The following DDI2 variants were observed in gnomAD, a reference collection of about 807,000 sequenced individuals.
DDI2 encodes DDI proteasomal shuttling factor 2, also known as protein DDI1 homolog 2.
DDI2 carries 5 observed loss-of-function variants against 48.1 expected under a neutral mutation model. The ratio of observed to expected loss-of-function variants is 0.10; its 90% CI spans 0.05 to 0.22. DDI2 has a LOEUF of 0.22. Ranked by LOEUF, DDI2 falls within the 10% of genes least tolerant of loss-of-function variation. The pLI is 1.00. For missense variants in DDI2, 285 were observed against 506.2 expected (o/e 0.56, Z 4.19); for synonymous variants, 205 against 183.6 (o/e 1.12, Z -0.94).
At chr1:15,653,064 AT>A (rs1640217278) in intron 8 of DDI2, among the ~76,000 whole-genome samples, 1 of 152,028 alleles carries the variant, frequency 6.6e-6, no homozygotes, top group Non-Finnish European at 1.5e-5. Context: ...AGCTCAGTCC[AT>A]TGCTGTGTTT....
intron 2 of DDI2, among the ~76,000 whole-genome samples, chr1:15,627,701 G>GT (rs946889038): frequency 2.6e-5 from 4 of 152,136 alleles, no homozygotes; most frequent in African/African-American, 4.8e-5. Context: ...GAAATGTGTG[G>GT]TTTTTTTCCA....
At chr1:15,652,057 C>CTT (rs1640192855) in intron 8 of DDI2, among the ~76,000 whole-genome samples, 162 bp downstream of exon 8, 2 of 119,130 alleles carry the variant, frequency 1.7e-5, no homozygotes, top group African/African-American at 9.4e-5. Context: ...CTTTGATCTT[C>CTT]CTTTTTTTTT....
At chr1:15,636,004 C>T (rs1051811649) in intron 4 of DDI2, among the ~76,000 whole-genome samples, 1 of 152,156 alleles carries the variant, frequency 6.6e-6, no homozygotes, top group Non-Finnish European at 1.5e-5. Flanking sequence ...TCATATTTGC[C>T]TAAAGGAAGG....
chr1:15,618,500 C>T (rs1639602690), intron 1 of DDI2, among the ~76,000 whole-genome samples: 1 of 152,074 alleles, frequency 6.6e-6, no homozygotes, highest in South Asian at 2.1e-4. Flanking sequence ...GCCAGAAGGC[C>T]CTTTTTCTTT....
chr1:15,660,455 T>C lies in DDI2; in HGVS notation c.*665T>C. On this transcript the variant is annotated 3_prime_UTR_variant, in exon 10 of 10. Coordinates refer to ENST00000480945, the MANE Select transcript of DDI2 (RefSeq NM_032341.5). ...GAATATCTTTGTAACATAGGGGACC[T>C]TGAGCTTCCTGAAGAAAGGCAACAG... The C allele has an allele frequency of 6.2e-7, 1 of 1,614,148 alleles. No individual in the cohort carries two copies. The highest frequency in any genetic ancestry group is 8.5e-7 in the Non-Finnish European group (1 of 1,180,030).
chr1:15,637,944 A>G (rs1266247238), intron 4 of DDI2, among the ~76,000 whole-genome samples: 1 of 152,172 alleles, frequency 6.6e-6, no homozygotes, highest in Non-Finnish European at 1.5e-5. Flanking sequence ...GGGCTTAGGA[A>G]ATGTATTCAG....
At chr1:15,634,806 A>G (rs1639902681) in intron 4 of DDI2, among the ~76,000 whole-genome samples, 1 of 152,092 alleles carries the variant, frequency 6.6e-6, no homozygotes, top group Non-Finnish European at 1.5e-5. Flanking sequence ...TGCTAGGATT[A>G]TAGGGATGAG....
chr1:15,652,787 C>T (rs1019520400), intron 8 of DDI2, among the ~76,000 whole-genome samples: 7 of 151,852 alleles, frequency 4.6e-5, no homozygotes, highest in Non-Finnish European at 7.4e-5. Flanking sequence ...CGCACCACTG[C>T]ACTCCAGCCT....
At chr1:15,629,930 CTA>C (rs2103464720) in intron 2 of DDI2, among the ~76,000 whole-genome samples, 1 of 152,198 alleles carries the variant, frequency 6.6e-6, no homozygotes, top group South Asian at 2.1e-4. Context: ...CAGAGTTTCA[CTA>C]TGTTGACCAG....
chr1:15,624,885 A>G (rs964322000), intron 1 of DDI2, among the ~76,000 whole-genome samples: 2 of 152,152 alleles, frequency 1.3e-5, no homozygotes, highest in Non-Finnish European at 2.9e-5. Flanking sequence ...GGCATGAGCC[A>G]TCATACCAGA....
rs201470667 is a variant in DDI2 at position 15,659,984 on chromosome 1, C to T, written c.*194C>T. The T allele has an allele frequency of 5.1e-5, 83 of 1,614,056 alleles. No individual in the cohort carries two copies. Among genetic ancestry groups the T allele is most frequent in the Non-Finnish European group, 6.7e-5 (79 of 1,180,038 alleles). ...CGCTCTGTCTCTGCTTCAGTCTGCC[C>T]TATCAAGCCCAGTGACTCAGATCGC... On this transcript the variant is annotated 3_prime_UTR_variant, in exon 10 of 10. Coordinates refer to ENST00000480945, the MANE Select transcript of DDI2 (RefSeq NM_032341.5).
Position 15,661,832 on chromosome 1 carries a change from C to T in DDI2, c.*2042C>T. The T allele has an allele frequency of 7.6e-7, 1 of 1,315,078 alleles. No individual in the cohort carries two copies. Among genetic ancestry groups the T allele is most frequent in the Non-Finnish European group, 9.8e-7 (1 of 1,018,090 alleles). The allele number at this position is 1,315,078 out of a possible 1,614,324, so 81.5% of individuals were successfully genotyped here. A position where few individuals can be genotyped will look rare whatever the true frequency, so the allele number is the denominator to read the frequency against. ...CCACATATACAGTATATATAGAAAC[C>T]TGCAAGCAGAATGTTGAGCCAGATT... is the stretch of plus-strand genomic sequence containing the variant. On this transcript the variant is annotated 3_prime_UTR_variant, in exon 10 of 10. Coordinates refer to ENST00000480945, the MANE Select transcript of DDI2 (RefSeq NM_032341.5).
At position 15,667,019 on chromosome 1, in the gene DDI2, C is replaced by T. The variant is rs35509554; in HGVS notation, c.*7229C>T. On this transcript the variant is annotated 3_prime_UTR_variant, in exon 10 of 10. Transcript: ENST00000480945. Reference sequence around the variant, plus strand: ...GGTCAGGAGGTCGAGACCAGCCTGGCCAATATGATGAAACCTTACCTCTAC... The same window carrying T: ...GGTCAGGAGGTCGAGACCAGCCTGGTCAATATGATGAAACCTTACCTCTAC... 0.31 allele frequency: 46,877 copies of T among 151,708 alleles called. 7,884 individuals are homozygous for T. The highest frequency in any genetic ancestry group is 0.42 in the African/African-American group (17,333 of 41,306). 9.4% of individuals were successfully genotyped at this position (151,708 alleles called of 1,614,324 possible). A position where few individuals can be genotyped will look rare whatever the true frequency, so the allele number is the denominator to read the frequency against.
chr1:15,628,922 T>G (rs1445110276), intron 2 of DDI2, among the ~76,000 whole-genome samples: 2 of 152,238 alleles, frequency 1.3e-5, no homozygotes, highest in Non-Finnish European at 2.9e-5. Context: ...TGTATTTACC[T>G]ATTTGGAACA....
intron 9 of DDI2, 66 bp from the exon 10 acceptor site, chr1:15,659,771 C>T (rs1348108807): frequency 1.3e-5 from 19 of 1,451,064 alleles, no homozygotes; most frequent in Non-Finnish European, 1.6e-5. Context: ...TTTGTATCCT[C>T]TGGTAATTTA....
chr1:15,643,482 G>A (rs761457564), intron 5 of DDI2, 40 bp from the exon 6 acceptor site: 1 of 1,600,454 alleles, frequency 6.2e-7, no homozygotes, highest in South Asian at 1.1e-5. Flanking sequence ...TCACAAAGTG[G>A]ATTTTGTTTT....
chr1:15,625,253 G>C (rs1360137380), intron 1 of DDI2, among the ~76,000 whole-genome samples: 1 of 152,164 alleles, frequency 6.6e-6, no homozygotes, highest in Non-Finnish European at 1.5e-5. Flanking sequence ...GGAAGGGTGA[G>C]GTCTGGACCT....
At position 15,643,751 on chromosome 1, in the gene DDI2, T is replaced by G. The variant is rs1640044689; in HGVS notation, c.889+101T>G. The G allele has an allele frequency of 2.7e-6, 4 of 1,485,024 alleles. No individual in the cohort carries two copies. In the South Asian group the frequency reaches 4.1e-5, roughly 15 times the overall value. The allele number at this position is 1,485,024 out of a possible 1,614,324, so 92.0% of individuals were successfully genotyped here. ...AGAGGGTCTTTTGTTGTTATTTTGT[T>G]GTTGTTGTTTTAAATTTCTTTTGTG... On this transcript the variant is annotated intron_variant, in intron 6 of 9. Coordinates refer to ENST00000480945, the MANE Select transcript of DDI2 (RefSeq NM_032341.5).
At chr1:15,639,445 C>T (rs1341333268) in intron 5 of DDI2, among the ~76,000 whole-genome samples, 4 of 152,062 alleles carry the variant, frequency 2.6e-5, no homozygotes, top group Non-Finnish European at 5.9e-5. Flanking sequence ...CTACACATTC[C>T]TGAGCACATG....
Sources: gnomAD v4.1 joint callset for allele counts (sites outside exome capture counted in the v4.1 genomes callset) on GRCh38, gnomAD v4.1.1 for gene constraint, MANE v1.5 for transcripts, NCBI Gene and HGNC (gene_info 2026-07-23, HGNC 2026-07-21) for gene names.